SMURF2: variants seen among roughly 807,000 people sequenced by gnomAD.
The protein encoded by SMURF2 is E3 ubiquitin-protein ligase SMURF2.
Under a neutral mutation model 109.6 loss-of-function variants are expected in SMURF2, and 48 were observed. The ratio of observed to expected loss-of-function variants is 0.44; its 90% CI spans 0.35 to 0.56. The LOEUF is 0.56. Among genes scored for constraint, SMURF2 ranks in the 20% least tolerant of loss-of-function variants. The pLI is 0.01. For missense variants in SMURF2, 575 were observed against 909.0 expected (o/e 0.63, Z 4.72); for synonymous variants, 288 against 317.1 (o/e 0.91, Z 0.97).
At chr17:64,650,525 C>T (rs1234230346) in intron 1 of SMURF2, among the ~76,000 whole-genome samples, 1 of 152,122 alleles carries the variant, frequency 6.6e-6, no homozygotes, top group East Asian at 1.9e-4. Context: ...CTCTCCACAA[C>T]ATTCTGACTA....
chr17:64,596,585 C>CAAAAAAAAAAAAAAAAAAAAAAA (rs201858792), intron 3 of SMURF2, among the ~76,000 whole-genome samples: 3 of 45,470 alleles, frequency 6.6e-5, no homozygotes, highest in African/African-American at 1.3e-4. Flanking sequence ...GGAGAGTAAA[C>CAAAAAAAAAAAAAAAAAAAAAAA]AAAAAAAAAA....
In SMURF2 at chr17:64,646,901, A is replaced by G. The variant is rs148120393; in HGVS notation, c.52+14928T>C. ...GTCTGGCTAATGTGCCTTTCTTTGTAAAGTGGAAGGTAGAAAATATGAAAG... is the reference window on the plus strand; with the variant it reads ...GTCTGGCTAATGTGCCTTTCTTTGTGAAGTGGAAGGTAGAAAATATGAAAG... On this transcript the variant is annotated intron_variant, in intron 1 of 18. Transcript: ENST00000262435. Among the ~76,000 whole-genome samples, 15 of 152,326 alleles carry G rather than the reference A, an allele frequency of 9.8e-5. No individual in the cohort carries two copies. In the East Asian group the frequency reaches 2.7e-3, roughly 27 times the overall value.
In SMURF2 at chr17:64,544,284, A is replaced by C. The variant is rs1022874027; in HGVS notation, c.*1564T>G. ...CCTCTCATTGCCCCTCTTCTCTTAA[A>C]CCATTACTCCTGAGGCACCCCTGAG... On this transcript the variant is annotated 3_prime_UTR_variant, in exon 19 of 19. Transcript: ENST00000262435. 6.6e-6 allele frequency: 1 copy of C among 152,058 alleles called. No individual in the cohort carries two copies. The highest frequency in any genetic ancestry group is 2.4e-5 in the African/African-American group (1 of 41,390). 9.4% of individuals were successfully genotyped at this position (152,058 alleles called of 1,614,324 possible).
At chr17:64,594,519 T>C (rs1969791305) in intron 3 of SMURF2, among the ~76,000 whole-genome samples, 1 of 152,288 alleles carries the variant, frequency 6.6e-6, no homozygotes, top group East Asian at 1.9e-4. Context: ...AATTTGAATT[T>C]GGTCTCTGTT....
At chr17:64,584,627 G>C (rs1555686922) in intron 6 of SMURF2, among the ~76,000 whole-genome samples, 1 of 152,058 alleles carries the variant, frequency 6.6e-6, no homozygotes, top group Non-Finnish European at 1.5e-5. Context: ...AAAGTGCTGG[G>C]ATTACAGGCG....
intron 8 of SMURF2, among the ~76,000 whole-genome samples, chr17:64,579,405 G>A (rs190711152): frequency 1.8e-3 from 266 of 151,884 alleles, no homozygotes; most frequent in Non-Finnish European, 1.9e-3. Context: ...GTTTATAAAC[G>A]TATAATGTCA....
At chr17:64,617,396 A>T (rs1970141082) in intron 1 of SMURF2, among the ~76,000 whole-genome samples, 1 of 152,216 alleles carries the variant, frequency 6.6e-6, no homozygotes, top group African/African-American at 2.4e-5. Flanking sequence ...GATGTATTAA[A>T]AGATACAGGT....
chr17:64,627,330 G>A (rs1391494410), intron 1 of SMURF2, among the ~76,000 whole-genome samples: 1 of 151,984 alleles, frequency 6.6e-6, no homozygotes, highest in Non-Finnish European at 1.5e-5. Context: ...TGGCCAGGCT[G>A]GTCTCGAACT....
intron 1 of SMURF2, 85 bp downstream of exon 1, chr17:64,661,744 C>T: frequency 9.9e-7 from 1 of 1,013,322 alleles, no homozygotes; most frequent in Non-Finnish European, 1.2e-6. Flanking sequence ...TTGATCGCGA[C>T]CCTGGCCCTT....
At chr17:64,604,281 A>C (rs1969939394) in intron 2 of SMURF2, among the ~76,000 whole-genome samples, 1 of 152,160 alleles carries the variant, frequency 6.6e-6, no homozygotes, top group Non-Finnish European at 1.5e-5. Context: ...CTAAGTTTTA[A>C]AGATAATCAC....
intron 1 of SMURF2, among the ~76,000 whole-genome samples, chr17:64,630,510 A>C (rs1192419692): frequency 6.6e-6 from 1 of 152,160 alleles, no homozygotes; most frequent in Admixed American, 6.5e-5. Context: ...CATCACACCC[A>C]AACTGGCGCA....
At chr17:64,564,647 A>C (rs1185323677) in intron 10 of SMURF2, among the ~76,000 whole-genome samples, 1 of 152,194 alleles carries the variant, frequency 6.6e-6, no homozygotes, top group Non-Finnish European at 1.5e-5. Flanking sequence ...GGGAGGACAG[A>C]AGACAAAGAC....
intron 2 of SMURF2, among the ~76,000 whole-genome samples, chr17:64,604,454 T>C (rs747292853): frequency 9.2e-5 from 14 of 152,262 alleles, no homozygotes; most frequent in Non-Finnish European, 1.2e-4. Context: ...CTCTCAAAGG[T>C]TTATAAAACA....
Position 64,562,740 on chromosome 17 carries a change from T to C in SMURF2, c.1212+31A>G, listed in dbSNP as rs369001005. The C allele has an allele frequency of 6.5e-5, 103 of 1,591,618 alleles. No homozygotes were observed. In the African/African-American group the frequency reaches 1.2e-3, roughly 19 times the overall value. ...AGCAATGGGTTTCTGGAAAAAAAAA[T>C]AGTAAAACAAAATAAGGCTCGTAAA... On this transcript the variant is annotated intron_variant, in intron 11 of 18. Transcript: ENST00000262435.
intron 1 of SMURF2, among the ~76,000 whole-genome samples, chr17:64,617,733 T>A (rs1270279715): frequency 1.3e-5 from 2 of 152,178 alleles, no homozygotes; most frequent in African/African-American, 4.8e-5. Context: ...TCTCCCAGAC[T>A]GTTAGAATTA....
intron 8 of SMURF2, 103 bp downstream of exon 8, chr17:64,580,686 C>T: frequency 8.5e-7 from 1 of 1,177,340 alleles, no homozygotes. Flanking sequence ...CATGCAGAAT[C>T]CCTAAGCTCA....
chr17:64,643,271 C>T (rs956818505), intron 1 of SMURF2, among the ~76,000 whole-genome samples: 4 of 152,086 alleles, frequency 2.6e-5, no homozygotes, highest in African/African-American at 4.8e-5. Context: ...CACCCACCTG[C>T]GCTGGCCTCC....
At chr17:64,641,231 TTTG>T (rs1369888672) in intron 1 of SMURF2, among the ~76,000 whole-genome samples, 1 of 152,156 alleles carries the variant, frequency 6.6e-6, no homozygotes, top group African/African-American at 2.4e-5. Context: ...TTTTATGCCA[TTTG>T]TTAAGTGCTC....
intron 1 of SMURF2, among the ~76,000 whole-genome samples, chr17:64,654,651 G>A (rs1970682418): frequency 6.6e-6 from 1 of 151,876 alleles, no homozygotes; most frequent in African/African-American, 2.4e-5. Context: ...CCAACATGGA[G>A]AAACCCCATC....
Sources: allele counts gnomAD v4.1 joint callset (sites outside exome capture counted in the v4.1 genomes callset), GRCh38; gene constraint gnomAD v4.1.1; transcripts MANE v1.5; gene names NCBI Gene and HGNC (gene_info 2026-07-23, HGNC 2026-07-21).